The following PKIB variants were observed in gnomAD, a reference collection of about 807,000 sequenced individuals.
PKIB encodes the protein PKI-beta.
PKIB carries 2 observed loss-of-function variants against 4.5 expected under a neutral mutation model. The observed-to-expected ratio is 0.44, with a 90% confidence interval of 0.18 to 1.39. The LOEUF is 1.39. PKIB is among the 40% of genes most tolerant of loss of function. The pLI, the probability that PKIB is intolerant of heterozygous loss-of-function variation, is 0.27. For synonymous variants in PKIB, 38 were observed against 36.0 expected (o/e 1.06, Z -0.20); for missense variants, 94 against 92.6 (o/e 1.02, Z -0.06).
intron 2 of PKIB, among the ~76,000 whole-genome samples, chr6:122,561,994 G>GTTTTTTTTTGTTTTTT (rs1773036423): frequency 7.3e-5 from 3 of 40,902 alleles, no homozygotes; most frequent in African/African-American, 9.0e-5. Flanking sequence ...GTTTGTTTTT[G>GTTTTTTTTTGTTTTTT]TTTTTTTTTG....
chr6:122,666,677 A>C (rs1294463871), intron 2 of PKIB, among the ~76,000 whole-genome samples: 1 of 152,208 alleles, frequency 6.6e-6, no homozygotes, highest in Non-Finnish European at 1.5e-5. Flanking sequence ...ATCTGGTATT[A>C]ATCTATAATG....
intron 2 of PKIB, among the ~76,000 whole-genome samples, chr6:122,494,463 T>C (rs1776023500): frequency 6.6e-6 from 1 of 152,222 alleles, no homozygotes; most frequent in Non-Finnish European, 1.5e-5. Flanking sequence ...GTTTAAAACA[T>C]GAGACAGTTT....
At chr6:122,507,072 G>T (rs537537193) in intron 2 of PKIB, among the ~76,000 whole-genome samples, 2 of 152,154 alleles carry the variant, frequency 1.3e-5, no homozygotes, top group South Asian at 4.2e-4. Context: ...TTTTTGGGGG[G>T]TTTAAATTGT....
At chr6:122,478,765 A>C (rs1042122058) in intron 2 of PKIB, 2 of 152,186 alleles carry the variant, frequency 1.3e-5, no homozygotes, top group Non-Finnish European at 1.5e-5. Context: ...TTTTAGAGAC[A>C]TGCTTAAAAT....
At chr6:122,534,096 A>G (rs1481429078) in intron 2 of PKIB, among the ~76,000 whole-genome samples, 1 of 150,186 alleles carries the variant, frequency 6.7e-6, no homozygotes, top group African/African-American at 2.4e-5. Context: ...CAGCAATAAT[A>G]ATATTAACTA....
intron 1 of PKIB, among the ~76,000 whole-genome samples, chr6:122,616,742 T>C (rs971804842): frequency 1.3e-5 from 2 of 152,002 alleles, no homozygotes; most frequent in Non-Finnish European, 2.9e-5. Context: ...AAATAACTGT[T>C]ATGCTAAGAG....
chr6:122,531,784 T>G (rs1289837551), intron 2 of PKIB, among the ~76,000 whole-genome samples: 2 of 152,242 alleles, frequency 1.3e-5, no homozygotes, highest in African/African-American at 4.8e-5. Flanking sequence ...AATACTAGAC[T>G]GTGAATTGCT....
intron 3 of PKIB, among the ~76,000 whole-genome samples, chr6:122,709,891 T>C (rs1192020176): frequency 6.6e-6 from 1 of 152,146 alleles, no homozygotes; most frequent in Non-Finnish European, 1.5e-5. Flanking sequence ...CCAATCCAGG[T>C]TTACTACCCA....
chr6:122,717,943 A>T lies in PKIB; in HGVS notation c.149A>T (p.Glu50Val). The change falls in exon 4 of 5, where the codon GAG becomes GTG. Residue 50 changes from glutamate (E) to valine (V), a missense_variant. Glu to Val is a moderately radical substitution (Grantham distance 121). Coordinates refer to ENST00000368452, the MANE Select transcript of PKIB (RefSeq NM_181795.3). ...ACCTCAGATTTGCCCCTCAAACTGG[A>T]GGCTCTCTCCGTGAAGGAAGGTAAT... Reference protein sequence around the residue: ...DGTSDLPLKLEALSVKEDAKE... With the variant: ...DGTSDLPLKLVALSVKEDAKE... The T allele has an allele frequency of 6.2e-7, 1 of 1,613,546 alleles. No individual in the cohort carries two copies.
intron 2 of PKIB, among the ~76,000 whole-genome samples, chr6:122,669,649 C>T (rs1777374697): frequency 6.6e-6 from 1 of 152,024 alleles, no homozygotes; most frequent in South Asian, 2.1e-4. Context: ...TGTCTGAGTT[C>T]CAGGCCCATA....
chr6:122,604,013 CA>C (rs1169137859), intron 3 of PKIB, among the ~76,000 whole-genome samples: 143 of 152,256 alleles, frequency 9.4e-4, no homozygotes, highest in African/African-American at 2.9e-3. Context: ...AGCTTACTTA[CA>C]TATTTATACA....
intron 2 of PKIB, among the ~76,000 whole-genome samples, chr6:122,498,630 A>G (rs1281056480): frequency 6.6e-6 from 1 of 152,286 alleles, no homozygotes; most frequent in Non-Finnish European, 1.5e-5. Flanking sequence ...AAGGATTTCA[A>G]AGTAATGAGC....
chr6:122,681,366 T>C (rs879612177), intron 3 of PKIB, among the ~76,000 whole-genome samples: 2 of 152,238 alleles, frequency 1.3e-5, no homozygotes, highest in Non-Finnish European at 2.9e-5. Flanking sequence ...AGCTAATTTA[T>C]ATTTGATCAT....
At chr6:122,680,829 C>T (rs1282475488) in intron 3 of PKIB, among the ~76,000 whole-genome samples, 2 of 152,168 alleles carry the variant, frequency 1.3e-5, no homozygotes, top group South Asian at 2.1e-4. Flanking sequence ...GTAGCCAAAA[C>T]GAACTTTTTA....
At chr6:122,668,785 A>G (rs1777333211) in intron 2 of PKIB, among the ~76,000 whole-genome samples, 2 of 152,238 alleles carry the variant, frequency 1.3e-5, no homozygotes, top group South Asian at 4.1e-4. Context: ...TTCTTCTTAT[A>G]TATAACAGTT....
rs527518928 is a variant in PKIB, at chr6:122,699,591, C to T, written c.-8-18196C>T. 1.4e-3 allele frequency among the ~76,000 whole-genome samples: 217 copies of T among 152,234 alleles called. 1 individual carries two copies. The highest frequency in any genetic ancestry group is 5.1e-3 in the African/African-American group (213 of 41,556). Reference sequence around the variant, plus strand: ...AATGGAGAAGCAGTGGGGATAATAACCCCTGCACTCTATAGCTGTCATGTA... The same window carrying T: ...AATGGAGAAGCAGTGGGGATAATAATCCCTGCACTCTATAGCTGTCATGTA... On this transcript the variant is annotated intron_variant, in intron 3 of 4. Coordinates refer to ENST00000368452, the MANE Select transcript of PKIB (RefSeq NM_181795.3).
intron 2 of PKIB, chr6:122,478,404 GA>G (rs1775508962): frequency 6.6e-6 from 1 of 152,134 alleles, no homozygotes; most frequent in South Asian, 2.1e-4. Context: ...CCGCCATGGA[GA>G]AAGCATTCCC....
At chr6:122,592,904 A>G (rs1582720765) in intron 3 of PKIB, among the ~76,000 whole-genome samples, 1 of 152,320 alleles carries the variant, frequency 6.6e-6, no homozygotes, top group South Asian at 2.1e-4. Flanking sequence ...AACTCCCAGT[A>G]CTACCAATTC....
intron 1 of PKIB, among the ~76,000 whole-genome samples, chr6:122,613,075 C>T (rs1020544455): frequency 6.6e-6 from 1 of 151,904 alleles, no homozygotes; most frequent in Non-Finnish European, 1.5e-5. Context: ...TATTTCTTGC[C>T]TAATGTTTTT....
Sources: gnomAD v4.1 joint callset for allele counts (sites outside exome capture counted in the v4.1 genomes callset) on GRCh38, gnomAD v4.1.1 for gene constraint, MANE v1.5 for transcripts, NCBI Gene and HGNC (gene_info 2026-07-23, HGNC 2026-07-21) for gene names.